Variants in NTRK3 observed in about 807,000 individuals in gnomAD.
The protein encoded by NTRK3 is NT-3 growth factor receptor.
Under a neutral mutation model 91.7 loss-of-function variants are expected in NTRK3, and 24 were observed. That is an observed-to-expected ratio of 0.26 (90% CI 0.19 to 0.37). The LOEUF is 0.37. Ranked by LOEUF, NTRK3 falls within the 10% of genes least tolerant of loss-of-function variation. NTRK3 has a pLI of 1.00. For synonymous variants in NTRK3, 483 were observed against 404.0 expected, an observed-to-expected ratio of 1.20 and a Z score of -2.34; for missense variants, 880 against 1,068.9, an observed-to-expected ratio of 0.82 and a Z score of 2.46.
At chr15:88,173,723 C>T (rs750860218) in intron 5 of NTRK3, among the ~76,000 whole-genome samples, 1 of 152,236 alleles carries the variant, frequency 6.6e-6, no homozygotes, top group Non-Finnish European at 1.5e-5. Context: ...AGCCTACTGC[C>T]TCCCTCTCTT....
intron 14 of NTRK3, among the ~76,000 whole-genome samples, chr15:87,987,917 AC>A (rs1431165111): frequency 6.6e-6 from 1 of 151,980 alleles, no homozygotes; most frequent in African/African-American, 2.4e-5. Flanking sequence ...AGATAAAAGT[AC>A]TACGTTTAAT....
chr15:87,881,513 G>A (rs2065250332), intron 17 of NTRK3, among the ~76,000 whole-genome samples: 1 of 151,864 alleles, frequency 6.6e-6, no homozygotes, highest in African/African-American at 2.4e-5. Flanking sequence ...TCCACCTCCC[G>A]GGTTCACGCC....
chr15:87,942,349 G>A (rs1312060907), intron 14 of NTRK3, among the ~76,000 whole-genome samples: 2 of 152,326 alleles, frequency 1.3e-5, no homozygotes, highest in East Asian at 3.9e-4. Flanking sequence ...GATTAAAACT[G>A]GTTCCCTTCT....
rs2064531825 is a variant in NTRK3 at position 87,861,788 on chromosome 15, A to G, written c.*15147T>C. On this transcript the variant is annotated 3_prime_UTR_variant, in exon 19 of 19. Transcript: ENST00000394480. ...AGGAATTTTTTCAGAAAAAGTACTG[A>G]GAATCTTTATAAAATTGTATTCGCT... 3.0e-5 allele frequency: 6 copies of G among 198,266 alleles called. No individual in the cohort carries two copies. In the East Asian group the frequency reaches 3.9e-4, roughly 13 times the overall value. 12.3% of individuals were successfully genotyped at this position (198,266 alleles called of 1,614,324 possible).
chr15:87,978,349 C>T (rs2141335246), intron 14 of NTRK3: 1 of 230,428 alleles, frequency 4.3e-6, no homozygotes, highest in East Asian at 6.2e-5. Context: ...TGGAGGAGGC[C>T]AAGTTTTACT....
rs528688163 is a variant in NTRK3 at position 87,902,264 on chromosome 15, G to A, written c.2134-21836C>T. On this transcript the variant is annotated intron_variant, in intron 17 of 18. Transcript: ENST00000394480. The stretch of plus-strand genomic sequence containing the variant: ...GGAGCTTTTCTCTGCATAATGTCCC[G>A]TCCCACTCTTGTAGAAATGGCACTG... Among the ~76,000 whole-genome samples, 14 of 152,286 alleles carry A rather than the reference G, an allele frequency of 9.2e-5. No homozygotes were observed. The South Asian group carries it at 1.7e-3, about 18-fold the overall frequency.
At chr15:87,934,594 G>C (rs1231185348) in intron 15 of NTRK3, among the ~76,000 whole-genome samples, 1 of 152,092 alleles carries the variant, frequency 6.6e-6, no homozygotes, top group Admixed American at 6.5e-5. Flanking sequence ...GTATCTGGGG[G>C]GGTCCATCAA....
intron 6 of NTRK3, among the ~76,000 whole-genome samples, chr15:88,144,796 C>A (rs574721466): frequency 2.6e-5 from 4 of 152,264 alleles, no homozygotes; most frequent in African/African-American, 9.6e-5. Flanking sequence ...CTTCCTTCTC[C>A]TTCTGCCCTA....
At chr15:87,935,420 A>G (rs1483374181) in intron 15 of NTRK3, among the ~76,000 whole-genome samples, 1 of 152,230 alleles carries the variant, frequency 6.6e-6, no homozygotes, top group Admixed American at 6.5e-5. Context: ...ATGTCTACCT[A>G]TAGCCAGAAC....
chr15:88,097,627 G>C (rs148815896), intron 13 of NTRK3, among the ~76,000 whole-genome samples: 1 of 152,190 alleles, frequency 6.6e-6, no homozygotes, highest in African/African-American at 2.4e-5. Flanking sequence ...ACTGATAATA[G>C]TATTTGTAAC....
intron 13 of NTRK3, among the ~76,000 whole-genome samples, chr15:88,061,347 G>A (rs1351522029): frequency 2.6e-5 from 4 of 152,132 alleles, no homozygotes; most frequent in Non-Finnish European, 4.4e-5. Context: ...GCCCTGCCAC[G>A]GCCTCACTCC....
intron 3 of NTRK3, among the ~76,000 whole-genome samples, chr15:88,230,960 T>C (rs2051132641): frequency 6.6e-6 from 1 of 152,216 alleles, no homozygotes; most frequent in Non-Finnish European, 1.5e-5. Flanking sequence ...TCTCAGAACA[T>C]GGCCAAGTCT....
chr15:87,933,271 AC>A (rs36106675), intron 15 of NTRK3, 87 bp from the exon 16 acceptor site: 2 of 1,273,074 alleles, frequency 1.6e-6, no homozygotes, highest in East Asian at 4.7e-5. Context: ...GGCCCCACAC[AC>A]CACTGGGTTA....
intron 17 of NTRK3, among the ~76,000 whole-genome samples, chr15:87,926,276 G>T (rs1205041706): frequency 2.6e-5 from 4 of 152,164 alleles, no homozygotes; most frequent in Non-Finnish European, 4.4e-5. Flanking sequence ...ATGAGGAGTG[G>T]TGTATACATT....
Position 88,120,033 on chromosome 15 carries a change from C to T in NTRK3, c.1396+6238G>A, listed in dbSNP as rs558538066. The stretch of plus-strand genomic sequence containing the variant: ...GAAATGCCAACCTACAGCATCAAAA[C>T]TCAGGAGTCCTAGATCCCTCCCACC... On this transcript the variant is annotated intron_variant, in intron 13 of 18. Coordinates refer to ENST00000394480, the Ensembl canonical transcript of NTRK3. Among the ~76,000 whole-genome samples, 9 of 152,308 alleles carry T rather than the reference C, an allele frequency of 5.9e-5. 1 individual carries two copies. In the South Asian group the frequency reaches 1.0e-3, roughly 18 times the overall value.
intron 14 of NTRK3, among the ~76,000 whole-genome samples, chr15:88,000,224 T>C (rs1275238295): frequency 6.6e-6 from 1 of 152,194 alleles, no homozygotes; most frequent in East Asian, 1.9e-4. Context: ...CATATGTCCA[T>C]ACTAGTTAGT....
intron 14 of NTRK3, among the ~76,000 whole-genome samples, chr15:88,005,363 C>T (rs1322678522): frequency 6.6e-6 from 1 of 152,192 alleles, no homozygotes; most frequent in East Asian, 1.9e-4. Context: ...AGACAAGAGT[C>T]TTGTGGGGAC....
chr15:88,108,924 G>C (rs2051010761), intron 13 of NTRK3, among the ~76,000 whole-genome samples: 1 of 152,200 alleles, frequency 6.6e-6, no homozygotes, highest in Non-Finnish European at 1.5e-5. Context: ...CTATGAAGGA[G>C]AGAATTCTCT....
chr15:87,860,031 G>C, exon 19 of NTRK3: 1 of 200,300 alleles, frequency 5.0e-6, no homozygotes, highest in East Asian at 7.7e-5. Flanking sequence ...TGTATAAAAT[G>C]TTTTTAAACA....
Sources: gnomAD v4.1 joint callset for allele counts (sites outside exome capture counted in the v4.1 genomes callset) on GRCh38, gnomAD v4.1.1 for gene constraint, MANE v1.5 for transcripts, NCBI Gene and HGNC (gene_info 2026-07-23, HGNC 2026-07-21) for gene names.